SPINDOC: variants seen among roughly 807,000 people sequenced by gnomAD.
The protein encoded by SPINDOC is spindlin interactor and repressor of chromatin binding.
In SPINDOC, 13 loss-of-function variants were observed where a neutral mutation model predicts 30.7. That is an observed-to-expected ratio of 0.42 (90% CI 0.28 to 0.67). SPINDOC has a LOEUF of 0.67. SPINDOC is among the 30% of genes least tolerant of loss of function. The pLI is 0.22. For missense variants in SPINDOC, 438 were observed against 518.0 expected, an observed-to-expected ratio of 0.85 and a Z score of 1.50; for synonymous variants, 228 against 211.4, an observed-to-expected ratio of 1.08 and a Z score of -0.68.
intron 1 of SPINDOC, among the ~76,000 whole-genome samples, chr11:63,817,083 A>G (rs2015361101): frequency 6.6e-6 from 1 of 152,136 alleles, no homozygotes; most frequent in African/African-American, 2.4e-5. Flanking sequence ...CAGGTGGCTA[A>G]GGCTGGAGGG....
chr11:63,818,672 G>T lies in SPINDOC; in HGVS notation c.733+20G>T. 6.2e-7 allele frequency: 1 copy of T among 1,613,176 alleles called. No individual in the cohort carries two copies. Among genetic ancestry groups the T allele is most frequent in the Non-Finnish European group, 8.5e-7 (1 of 1,179,870 alleles). ...ACCCAGGTGAAGGGGAGGCCCGGGG[G>T]AGGCGTGGGCTCTGGCCGCAGTGCT... is the stretch of plus-strand genomic sequence containing the variant. On this transcript the variant is annotated intron_variant, in intron 4 of 5. Coordinates refer to ENST00000294244, the MANE Select transcript of SPINDOC (RefSeq NM_138471.3). This position sits in a 1 kb window ranked among gnomAD's most constrained non-coding sequence, Gnocchi z 5.3.
At chr11:63,822,819 C>G in intron 5 of SPINDOC, 1 of 1,289,068 alleles carries the variant, frequency 7.8e-7, no homozygotes, top group South Asian at 1.2e-5. Context: ...CCTGGGGTAC[C>G]CTGTGCGCAA....
In SPINDOC at chr11:63,827,068, G is replaced by C; in HGVS notation, c.1075G>C (p.Asp359His). ...GCGTGTGGGAGCAGGTGACACCTCA[G>C]ACTGGCCCACAGTTCTGTCAGAATC... is the stretch of plus-strand genomic sequence containing the variant. Reference protein sequence around the residue: ...TKRVGAGDTSDWPTVLSESST... With the variant: ...TKRVGAGDTSHWPTVLSESST... The change falls in exon 6 of 6, where the codon GAC (aspartate) becomes CAC (histidine). Residue 359 changes from aspartate (D) to histidine (H), a missense_variant. This residue lies in a region of SPINDOC where 300 missense variants were observed against 332.8 expected (regional missense o/e 0.90). Transcript: ENST00000294244. 1.2e-6 allele frequency: 2 copies of C among 1,613,960 alleles called. No homozygotes were observed. The highest frequency in any genetic ancestry group is 1.7e-6 in the Non-Finnish European group (2 of 1,179,908).
intron 1 of SPINDOC, among the ~76,000 whole-genome samples, chr11:63,814,241 C>T (rs560541893): frequency 1.3e-5 from 2 of 152,336 alleles, no homozygotes; most frequent in Non-Finnish European, 1.5e-5. Context: ...GCCTCTAGGC[C>T]GGAGGCTACA....
intron 5 of SPINDOC, chr11:63,822,804 C>T (rs1330902094): frequency 2.3e-6 from 3 of 1,289,014 alleles, no homozygotes; most frequent in Admixed American, 2.3e-5. Flanking sequence ...GCCCTCATTT[C>T]AAGTCCTGGG....
Position 63,818,120 on chromosome 11 carries a change from C to T in SPINDOC, c.443C>T (p.Ser148Phe), listed in dbSNP as rs1184393791. 8 of 1,613,988 alleles carry T rather than the reference C, an allele frequency of 5.0e-6. No individual in the cohort carries two copies. The highest frequency in any genetic ancestry group is 2.2e-5 in the East Asian group (1 of 44,878). ...LLQDVRAEQP[S>F]PPNSDSGQDA... ...CAAGACGTGAGAGCTGAGCAGCCGT[C>T]CCCACCCAACTCAGGTAGTTGGTCC... is the stretch of plus-strand genomic sequence containing the variant. Residue 148 changes from serine to phenylalanine, a missense_variant, in exon 2 of 6, where the codon TCC becomes TTC. Around this residue, in one of 3 missense-constraint regions of SPINDOC, gnomAD observed 300 missense variants for 332.8 expected, o/e 0.90. Coordinates refer to ENST00000294244, the MANE Select transcript of SPINDOC (RefSeq NM_138471.3). The surrounding 1 kb of genome is among the most constrained non-coding windows in gnomAD (Gnocchi z 5.3).
rs764664520 is a variant in SPINDOC at position 63,827,005 on chromosome 11, C to T, written c.1012C>T (p.Leu338Phe). 1 of 1,614,142 alleles carries T rather than the reference C, an allele frequency of 6.2e-7. No individual in the cohort carries two copies. Among genetic ancestry groups the T allele is most frequent in the Non-Finnish European group, 8.5e-7 (1 of 1,179,988 alleles). The change falls in exon 6 of 6, where the codon CTC (leucine) becomes TTC (phenylalanine). Residue 338 changes from leucine to phenylalanine, a missense_variant. Leu to Phe is a conservative substitution (Grantham distance 22). Coordinates refer to ENST00000294244, the MANE Select transcript of SPINDOC (RefSeq NM_138471.3). ...GATGGAGGAGCCCCCAGCGGTCAGC[C>T]TCCTGCAAGACTGGTCCAGGCACCC... is the stretch of plus-strand genomic sequence containing the variant. ...VRMEEPPAVSLLQDWSRHPQG... is the reference protein window; with the variant it reads ...VRMEEPPAVSFLQDWSRHPQG...
intron 5 of SPINDOC, among the ~76,000 whole-genome samples, chr11:63,822,204 A>T (rs2015539937): frequency 6.6e-6 from 1 of 151,872 alleles, no homozygotes. Context: ...TTAACTGGGC[A>T]TGTTGGTGTG....
intron 1 of SPINDOC, among the ~76,000 whole-genome samples, chr11:63,814,500 C>T (rs2015286985): frequency 6.6e-6 from 1 of 152,190 alleles, no homozygotes; most frequent in African/African-American, 2.4e-5. Flanking sequence ...TCGCTCTCCC[C>T]TCCCCCTTCA....
rs73492274 is a variant in SPINDOC, at chr11:63,827,298, G to T, written c.*159G>T. ...CATCCACTGTTATTTCGGGGCACTGGAAAGTGTCTGTTCCTGGCCAGGCCT... is the reference window on the plus strand; with the variant it reads ...CATCCACTGTTATTTCGGGGCACTGTAAAGTGTCTGTTCCTGGCCAGGCCT... On this transcript the variant is annotated 3_prime_UTR_variant, in exon 6 of 6. Coordinates refer to ENST00000294244, the MANE Select transcript of SPINDOC (RefSeq NM_138471.3). The T allele has an allele frequency of 1.2e-3, 1,544 of 1,340,300 alleles. 12 individuals are homozygous for T. The African/African-American group carries it at 0.02, about 17-fold the overall frequency. 83.0% of individuals were successfully genotyped at this position (1,340,300 alleles called of 1,614,324 possible). A position where few individuals can be genotyped will look rare whatever the true frequency, so the allele number is the denominator to read the frequency against.
In SPINDOC at chr11:63,826,983, G is replaced by A; in HGVS notation, c.990G>A (p.Met330Ile). The A allele has an allele frequency of 6.2e-7, 1 of 1,613,104 alleles. No homozygotes were observed. The highest frequency in any genetic ancestry group is 8.5e-7 in the Non-Finnish European group (1 of 1,179,146). Residue 330 changes from methionine (M) to isoleucine (I), a missense_variant, in exon 6 of 6, where the codon ATG (methionine) becomes ATA (isoleucine). By Grantham distance (10) the Met-to-Ile change is conservative. Transcript: ENST00000294244. ...TLDLQVIRVR[M>I]EEPPAVSLLQ... ...ATCTCCAGGTTATCCGCGTGCGGAT[G>A]GAGGAGCCCCCAGCGGTCAGCCTCC... is the stretch of plus-strand genomic sequence containing the variant.
intron 5 of SPINDOC, among the ~76,000 whole-genome samples, chr11:63,825,157 C>CA (rs1399826204): frequency 6.6e-6 from 1 of 152,220 alleles, no homozygotes; most frequent in African/African-American, 2.4e-5. Flanking sequence ...CTCCTCTACT[C>CA]ATGGCCTTTC....
intron 5 of SPINDOC, chr11:63,822,629 A>C: frequency 2.3e-6 from 3 of 1,288,976 alleles, no homozygotes; most frequent in South Asian, 1.2e-5. Context: ...AACTGTCTCA[A>C]GTTTCAGCTT....
chr11:63,814,707 G>A (rs1212143589), intron 1 of SPINDOC, among the ~76,000 whole-genome samples: 1 of 152,196 alleles, frequency 6.6e-6, no homozygotes, highest in East Asian at 1.9e-4. Flanking sequence ...ATGTCTGCCT[G>A]CACTGCCTGT....
intron 1 of SPINDOC, among the ~76,000 whole-genome samples, chr11:63,815,126 A>T: frequency 1.3e-5 from 2 of 152,250 alleles, no homozygotes; most frequent in Non-Finnish European, 2.9e-5. Context: ...GAGATCACTA[A>T]AGCAGGAAAA....
chr11:63,823,294 A>G, intron 5 of SPINDOC: 1 of 1,258,230 alleles, frequency 7.9e-7, no homozygotes, highest in Non-Finnish European at 1.0e-6. Context: ...AAATGTCTCT[A>G]CTTTCTGTGT....
At position 63,822,470 on chromosome 11, in the gene SPINDOC, A is replaced by C. The variant is rs1309730905; in HGVS notation, c.934+3468A>C. The C allele has an allele frequency of 1.0e-5, 6 of 591,564 alleles. No individual in the cohort carries two copies. In the East Asian group the frequency reaches 3.4e-4, roughly 33 times the overall value. 36.6% of individuals were successfully genotyped at this position (591,564 alleles called of 1,614,324 possible). A position where few individuals can be genotyped will look rare whatever the true frequency, so the allele number is the denominator to read the frequency against. On this transcript the variant is annotated intron_variant, in intron 5 of 5. Coordinates refer to ENST00000294244, the MANE Select transcript of SPINDOC (RefSeq NM_138471.3). Reference sequence around the variant, plus strand: ...AGTTTTTCTTTGTGTTCACTGCTATACCACTCTTAATTTGGTTTGTATCCT... The same window carrying C: ...AGTTTTTCTTTGTGTTCACTGCTATCCCACTCTTAATTTGGTTTGTATCCT...
Position 63,818,566 on chromosome 11 carries a change from G to A in SPINDOC, c.647G>A (p.Gly216Asp), listed in dbSNP as rs1272460670. Reference sequence around the variant, plus strand: ...GAGCCAGGAAATAAGAAGCCCCGTGGTCAGAGATGGAAGGAACCCCCAGGG... The same window carrying A: ...GAGCCAGGAAATAAGAAGCCCCGTGATCAGAGATGGAAGGAACCCCCAGGG... ...ATEPGNKKPR[G>D]QRWKEPPGEE... Residue 216 changes from glycine (G) to aspartate (D), a missense_variant, in exon 4 of 6, where the codon GGT becomes GAT. Around this residue, in one of 3 missense-constraint regions of SPINDOC, gnomAD observed 300 missense variants for 332.8 expected, o/e 0.90. Coordinates refer to ENST00000294244, the MANE Select transcript of SPINDOC (RefSeq NM_138471.3). The surrounding 1 kb of genome is among the most constrained non-coding windows in gnomAD (Gnocchi z 5.3). 6 of 1,613,380 alleles carry A rather than the reference G, an allele frequency of 3.7e-6. No individual in the cohort carries two copies. Among genetic ancestry groups the A allele is most frequent in the Non-Finnish European group, 5.1e-6 (6 of 1,180,012 alleles).
chr11:63,826,035 T>C (rs1429932832), intron 5 of SPINDOC, among the ~76,000 whole-genome samples: 3 of 152,004 alleles, frequency 2.0e-5, no homozygotes, highest in Non-Finnish European at 4.4e-5. Flanking sequence ...ACCTCCCAGG[T>C]TCACGCGACT....
Sources: allele counts gnomAD v4.1 joint callset (sites outside exome capture counted in the v4.1 genomes callset), GRCh38; gene constraint gnomAD v4.1.1; regional missense constraint gnomAD v4.1.1; non-coding constraint Gnocchi (gnomAD v3.1); transcripts MANE v1.5; gene names NCBI Gene and HGNC (gene_info 2026-07-23, HGNC 2026-07-21).